Variants in RYR2 observed in about 807,000 individuals in gnomAD.
RYR2 encodes cardiac muscle ryanodine receptor-calcium release channel.
In RYR2, 227 loss-of-function variants were observed where a neutral mutation model predicts 601.1. The ratio of observed to expected loss-of-function variants is 0.38; its 90% CI spans 0.34 to 0.42. RYR2 has a LOEUF of 0.42. RYR2 is among the 10% of genes least tolerant of loss of function. The pLI, the probability that RYR2 is intolerant of heterozygous loss-of-function variation, is 1.00. For missense variants in RYR2, 4,646 were observed against 6,156.5 expected (o/e 0.75, Z 8.21); for synonymous variants, 2,223 against 2,175.1 (o/e 1.02, Z -0.61).
At chr1:237,518,473 C>T (rs1213924081) in intron 24 of RYR2, among the ~76,000 whole-genome samples, 3 of 152,132 alleles carry the variant, frequency 2.0e-5, no homozygotes, top group African/African-American at 4.8e-5. Flanking sequence ...CATGTGTGCA[C>T]ATTTTTTTAA....
At chr1:237,587,643 A>G (rs1674677870) in intron 29 of RYR2, among the ~76,000 whole-genome samples, 1 of 152,226 alleles carries the variant, frequency 6.6e-6, no homozygotes, top group Non-Finnish European at 1.5e-5. Flanking sequence ...GAAAAAAAGT[A>G]TATTTATTAT....
At chr1:237,089,186 TG>T (rs1225469002) in intron 1 of RYR2, among the ~76,000 whole-genome samples, 8 of 152,202 alleles carry the variant, frequency 5.3e-5, no homozygotes, top group Non-Finnish European at 1.2e-4. Context: ...ATTCTCAGTG[TG>T]GGGGTAACTG....
intron 5 of RYR2, among the ~76,000 whole-genome samples, chr1:237,365,290 A>G (rs543862602): frequency 3.9e-4 from 60 of 152,344 alleles, no homozygotes; most frequent in African/African-American, 1.3e-3. Context: ...CTTTGAAGAA[A>G]AGGAAGCGCG....
chr1:237,704,623 A>G (rs911799990), intron 66 of RYR2, among the ~76,000 whole-genome samples: 3 of 151,968 alleles, frequency 2.0e-5, no homozygotes, highest in African/African-American at 7.2e-5. Flanking sequence ...ATTTATCTGG[A>G]CAAAATTCGA....
chr1:237,782,767 T>C (rs530911177), intron 89 of RYR2, among the ~76,000 whole-genome samples: 19 of 152,258 alleles, frequency 1.2e-4, no homozygotes, highest in African/African-American at 4.3e-4. Context: ...TAGTAACAAG[T>C]TTATCAGTTC....
intron 56 of RYR2, among the ~76,000 whole-genome samples, chr1:237,663,278 T>A (rs1218356673): frequency 6.6e-6 from 1 of 152,266 alleles, no homozygotes; most frequent in Admixed American, 6.5e-5. Flanking sequence ...TCTTTTTTTA[T>A]GTTACTGATT....
chr1:237,687,357 TTTCTTC>T, intron 62 of RYR2, 92 bp from the exon 63 acceptor site: 1 of 667,026 alleles, frequency 1.5e-6, no homozygotes. Flanking sequence ...TTTTTTCTTT[TTTCTTC>T]TTCTTTTTTT....
intron 1 of RYR2, among the ~76,000 whole-genome samples, chr1:237,251,974 T>A (rs1182445674): frequency 6.6e-6 from 1 of 152,098 alleles, no homozygotes; most frequent in Non-Finnish European, 1.5e-5. Flanking sequence ...TTAAAAAAAA[T>A]ATATCTGGAT....
Position 237,589,874 on chromosome 1 carries a change from T to C in RYR2, c.3680T>C (p.Phe1227Ser). 1 of 1,613,954 alleles carries C rather than the reference T, an allele frequency of 6.2e-7. No individual in the cohort carries two copies. Among genetic ancestry groups the C allele is most frequent in the Non-Finnish European group, 8.5e-7 (1 of 1,179,886 alleles). Residue 1227 changes from phenylalanine (F) to serine (S), a missense_variant, in exon 30 of 105, where the codon TTC (phenylalanine) becomes TCC (serine). Transcript: ENST00000366574. ...FGKDVSTLKY[F>S]TICGLQEGYE... ...AAGGATGTCAGCACCTTGAAATATT[T>C]CACCATCTGTGGCTTACAAGAGGGC...
chr1:237,276,849 G>T (rs1003879777), intron 2 of RYR2, among the ~76,000 whole-genome samples: 2 of 152,146 alleles, frequency 1.3e-5, no homozygotes, highest in African/African-American at 4.8e-5. Context: ...GCCAAGGTCG[G>T]ATACTCCCTA....
chr1:237,254,270 C>CTGAA (rs2149285021), intron 1 of RYR2, among the ~76,000 whole-genome samples: 1 of 152,210 alleles, frequency 6.6e-6, no homozygotes, highest in Non-Finnish European at 1.5e-5. Context: ...AATACACTTG[C>CTGAA]TGAAGGTCAT....
intron 101 of RYR2, among the ~76,000 whole-genome samples, chr1:237,821,095 C>T (rs889033519): frequency 1.3e-5 from 2 of 152,144 alleles, no homozygotes; most frequent in African/African-American, 4.8e-5. Context: ...GCTGTGGGTT[C>T]AGCTTCAGTA....
rs138962630 is a variant in RYR2, at chr1:237,162,679, G to C, written c.49-107818G>C. On this transcript the variant is annotated intron_variant, in intron 1 of 104. Coordinates refer to ENST00000366574, the MANE Select transcript of RYR2 (RefSeq NM_001035.3). ...TCAAAATACATGTTTTTGGCATATT[G>C]ATGATTTTGAGCTGGTTATTTTGAG... 5.7e-3 allele frequency among the ~76,000 whole-genome samples: 871 copies of C among 152,180 alleles called. 6 individuals are homozygous for C. The highest frequency in any genetic ancestry group is 9.3e-3 in the Non-Finnish European group (635 of 68,020).
chr1:237,405,119 G>A (rs1387076038), intron 10 of RYR2, among the ~76,000 whole-genome samples: 1 of 152,214 alleles, frequency 6.6e-6, no homozygotes, highest in Non-Finnish European at 1.5e-5. Flanking sequence ...CAGCCATGAA[G>A]TCAGGGGTAA....
intron 6 of RYR2, among the ~76,000 whole-genome samples, chr1:237,373,495 G>A (rs1700799371): frequency 6.6e-6 from 1 of 152,158 alleles, no homozygotes; most frequent in Non-Finnish European, 1.5e-5. Flanking sequence ...TTCTAAAGGG[G>A]GCTTGCTGGC....
intron 88 of RYR2, among the ~76,000 whole-genome samples, chr1:237,779,992 T>G (rs1694968704): frequency 6.6e-6 from 1 of 152,220 alleles, no homozygotes; most frequent in Non-Finnish European, 1.5e-5. Context: ...GTTAGGATTC[T>G]GTCCTCCAGA....
chr1:237,153,599 A>T (rs1572031570), intron 1 of RYR2, among the ~76,000 whole-genome samples: 1 of 149,266 alleles, frequency 6.7e-6, no homozygotes. Flanking sequence ...TATGTGTAGC[A>T]TTTTTTTTTT....
intron 25 of RYR2, among the ~76,000 whole-genome samples, chr1:237,537,025 A>C (rs569624797): frequency 6.6e-6 from 1 of 152,310 alleles, no homozygotes; most frequent in South Asian, 2.1e-4. Context: ...AAAGACACTC[A>C]ACTTCAGTAC....
rs1234439326 is a variant in RYR2, at chr1:237,674,235, C to A, written c.8714+16C>A. The A allele has an allele frequency of 3.1e-6, 5 of 1,589,052 alleles. No homozygotes were observed. The highest frequency in any genetic ancestry group is 4.5e-5 in the East Asian group (2 of 44,690). Reference sequence around the variant, plus strand: ...CTGTATCCAGGTAAAAGTACACATACCCTAAGTACACACTCTTTTCACAAG... The same window carrying A: ...CTGTATCCAGGTAAAAGTACACATAACCTAAGTACACACTCTTTTCACAAG... On this transcript the variant is annotated intron_variant, in intron 59 of 104. Transcript: ENST00000366574.
Sources: gnomAD v4.1 joint callset for allele counts (sites outside exome capture counted in the v4.1 genomes callset) on GRCh38, gnomAD v4.1.1 for gene constraint, MANE v1.5 for transcripts, NCBI Gene and HGNC (gene_info 2026-07-23, HGNC 2026-07-21) for gene names.